Variants in EBF1 observed in about 807,000 individuals in gnomAD.
EBF1 encodes the protein EBF transcription factor 1, also known as transcription factor COE1.
Under a neutral mutation model 68.4 loss-of-function variants are expected in EBF1, and 10 were observed. The ratio of observed to expected loss-of-function variants is 0.15; its 90% CI spans 0.09 to 0.25. The LOEUF (loss-of-function observed/expected upper bound fraction) is 0.25, where lower values mean the gene tolerates loss of function less well. Ranked by LOEUF, EBF1 falls within the 10% of genes least tolerant of loss-of-function variation. EBF1 has a pLI of 1.00. For missense variants in EBF1, 509 were observed against 794.4 expected, an observed-to-expected ratio of 0.64 and a Z score of 4.32; for synonymous variants, 298 against 299.8, an observed-to-expected ratio of 0.99 and a Z score of 0.06.
At chr5:158,849,788 A>T (rs748553759) in intron 6 of EBF1, among the ~76,000 whole-genome samples, 6 of 152,216 alleles carry the variant, frequency 3.9e-5, no homozygotes, top group Non-Finnish European at 7.3e-5. Context: ...TACTTTAATG[A>T]AATAACAAAC....
chr5:158,923,344 TAC>T (rs1187110428), intron 6 of EBF1, among the ~76,000 whole-genome samples: 1 of 152,212 alleles, frequency 6.6e-6, no homozygotes, highest in African/African-American at 2.4e-5. Context: ...CTCTTAAAAT[TAC>T]AGATTAAAAC....
intron 11 of EBF1, among the ~76,000 whole-genome samples, chr5:158,720,194 C>CGTATAGGACCTATACTTCGTAT (rs746056438): frequency 6.2e-4 from 94 of 152,248 alleles, no homozygotes; most frequent in South Asian, 2.3e-3. Flanking sequence ...GGGTTTACTG[C>CGTATAGGACCTATACTTCGTAT]AGGACCCAGA....
intron 8 of EBF1, among the ~76,000 whole-genome samples, chr5:158,805,543 C>T (rs1009528196): frequency 6.6e-6 from 1 of 152,046 alleles, no homozygotes; most frequent in Non-Finnish European, 1.5e-5. Context: ...TTTAGCATTT[C>T]ATTAGTTACT....
At position 158,911,366 on chromosome 5, in the gene EBF1, T is replaced by A. The variant is rs117011322; in HGVS notation, c.555-71256A>T. On this transcript the variant is annotated intron_variant, in intron 6 of 15. Transcript: ENST00000313708. ...CCCTCAGAGGTCAGAGACATGACTGTTTACTTCTATCACTAACCAGCCTGG... is the reference window on the plus strand; with the variant it reads ...CCCTCAGAGGTCAGAGACATGACTGATTACTTCTATCACTAACCAGCCTGG... Among the ~76,000 whole-genome samples the A allele has an allele frequency of 1.4e-3, 206 of 152,276 alleles. 5 individuals are homozygous for A. In the East Asian group the frequency reaches 0.033, roughly 25 times the overall value.
At chr5:158,817,633 C>G (rs781772314) in intron 8 of EBF1, among the ~76,000 whole-genome samples, 1 of 152,170 alleles carries the variant, frequency 6.6e-6, no homozygotes, top group Non-Finnish European at 1.5e-5. Context: ...ACTAAGACAC[C>G]TAGTAAAAAC....
intron 6 of EBF1, among the ~76,000 whole-genome samples, chr5:158,933,608 CAG>C (rs1373942746): frequency 6.6e-6 from 1 of 152,210 alleles, no homozygotes; most frequent in Non-Finnish European, 1.5e-5. Flanking sequence ...CAGCTGAGAA[CAG>C]AGAGACCAGG....
chr5:159,073,449 C>G lies in EBF1; in HGVS notation c.501G>C (p.Lys167Asn). 1 of 1,614,128 alleles carries G rather than the reference C, an allele frequency of 6.2e-7. No homozygotes were observed. The highest frequency in any genetic ancestry group is 8.5e-7 in the Non-Finnish European group (1 of 1,179,976). Residue 167 changes from lysine to asparagine, a missense_variant, in exon 6 of 16, where the codon AAG becomes AAC. Physicochemically the swap from Lys to Asn is moderately conservative, Grantham distance 94. Around this residue, in one of 3 missense-constraint regions of EBF1, gnomAD observed 230 missense variants for 467.7 expected, o/e 0.49. Transcript: ENST00000313708. ...TCTCATTTCGGTTGCCACAGCTTTT[C>G]TTGTCACAACAGCGGCTATGGAGCA... ...HEIMCSRCCD[K>N]KSCGNRNETP...
At chr5:158,963,177 CT>C (rs1252580505) in intron 6 of EBF1, among the ~76,000 whole-genome samples, 1 of 152,162 alleles carries the variant, frequency 6.6e-6, no homozygotes, top group Non-Finnish European at 1.5e-5. Flanking sequence ...GAATACTATC[CT>C]CAAATGTCTG....
At chr5:159,015,401 A>T (rs1765441369) in intron 6 of EBF1, among the ~76,000 whole-genome samples, 1 of 152,224 alleles carries the variant, frequency 6.6e-6, no homozygotes, top group African/African-American at 2.4e-5. Context: ...TGAGGGCCTC[A>T]TAACTGACAC....
At chr5:158,775,189 G>T (rs1257298197) in intron 10 of EBF1, among the ~76,000 whole-genome samples, 2 of 151,622 alleles carry the variant, frequency 1.3e-5, no homozygotes, top group Non-Finnish European at 2.9e-5. Flanking sequence ...TCTAAGATGT[G>T]ATTTCTTAAA....
At chr5:158,942,194 T>C (rs192213659) in intron 6 of EBF1, among the ~76,000 whole-genome samples, 3 of 152,360 alleles carry the variant, frequency 2.0e-5, no homozygotes, top group Admixed American at 2.0e-4. Flanking sequence ...TATCTCATTG[T>C]GAAGCAGTGT....
intron 6 of EBF1, among the ~76,000 whole-genome samples, chr5:158,982,387 CA>C (rs1554097787): frequency 6.6e-6 from 1 of 152,184 alleles, no homozygotes; most frequent in Non-Finnish European, 1.5e-5. Flanking sequence ...ACTTCACACT[CA>C]AGTTAACAGT....
At chr5:158,996,086 T>C (rs934947967) in intron 6 of EBF1, among the ~76,000 whole-genome samples, 2 of 152,180 alleles carry the variant, frequency 1.3e-5, no homozygotes, top group Non-Finnish European at 2.9e-5. Context: ...CCAACTTTAA[T>C]TTACTGGTGA....
At chr5:158,737,068 C>A (rs1253815634) in intron 10 of EBF1, among the ~76,000 whole-genome samples, 1 of 152,044 alleles carries the variant, frequency 6.6e-6, no homozygotes, top group Non-Finnish European at 1.5e-5. Context: ...CCTGCTTTCC[C>A]GTGAAATGCT....
intron 8 of EBF1, among the ~76,000 whole-genome samples, chr5:158,821,892 G>A (rs1784909605): frequency 6.6e-6 from 1 of 152,210 alleles, no homozygotes; most frequent in Non-Finnish European, 1.5e-5. Flanking sequence ...TGTAAAACTG[G>A]ATGTGGTGAA....
At chr5:158,840,998 T>C (rs1256672171) in intron 6 of EBF1, among the ~76,000 whole-genome samples, 2 of 152,174 alleles carry the variant, frequency 1.3e-5, no homozygotes, top group East Asian at 1.9e-4. Flanking sequence ...CTGTCTGCTG[T>C]AGACAAGAGC....
chr5:158,919,005 G>C, intron 6 of EBF1, among the ~76,000 whole-genome samples: 1 of 152,296 alleles, frequency 6.6e-6, no homozygotes, highest in Non-Finnish European at 1.5e-5. Flanking sequence ...ATATTCCATG[G>C]CCTAGAGTTC....
intron 10 of EBF1, among the ~76,000 whole-genome samples, chr5:158,761,984 A>C (rs1246647150): frequency 2.0e-5 from 3 of 152,194 alleles, no homozygotes; most frequent in East Asian, 3.8e-4. Flanking sequence ...AATGCAATAA[A>C]CTATTCTAAG....
intron 6 of EBF1, among the ~76,000 whole-genome samples, chr5:158,959,313 A>G (rs571375512): frequency 6.8e-6 from 1 of 147,758 alleles, no homozygotes; most frequent in South Asian, 2.2e-4. Flanking sequence ...TTTTTTTGAG[A>G]CGGAGTCTTA....
Sources: allele counts gnomAD v4.1 joint callset (sites outside exome capture counted in the v4.1 genomes callset), GRCh38; gene constraint gnomAD v4.1.1; regional missense constraint gnomAD v4.1.1; transcripts MANE v1.5; gene names NCBI Gene and HGNC (gene_info 2026-07-23, HGNC 2026-07-21).